UPRT: variants seen among roughly 807,000 people sequenced by gnomAD.
UPRT encodes RP11-311P8.3.
A neutral mutation model predicts 22.6 loss-of-function variants in UPRT; 5 were observed. The ratio of observed to expected loss-of-function variants is 0.22; its 90% confidence interval spans 0.12 to 0.47. UPRT has a LOEUF of 0.47. Among genes scored for constraint, UPRT ranks in the 20% least tolerant of loss-of-function variants. The probability of loss-of-function intolerance (pLI) is 0.99; values close to 1 mark genes in which losing one functional copy is unlikely to be tolerated. For missense variants in UPRT, 181 were observed against 239.9 expected (o/e 0.75, Z 1.62); for synonymous variants, 77 against 87.7 (o/e 0.88, Z 0.68).
intron 4 of UPRT, among the ~76,000 whole-genome samples, chrX:75,252,012 T>C (rs781210807): frequency 6.2e-5 from 7 of 112,311 alleles, no homozygotes; most frequent in Admixed American, 1.9e-4. Flanking sequence ...TATCCAGATG[T>C]AGAAAGCTGA....
chrX:75,262,436 T>C (rs1315550258), intron 4 of UPRT, among the ~76,000 whole-genome samples: 2 of 111,506 alleles, frequency 1.8e-5, no homozygotes, highest in Admixed American at 9.6e-5. Flanking sequence ...CATGATGATA[T>C]TAAACTTAAA....
At chrX:75,232,590 A>C (rs917267187) in intron 4 of UPRT, among the ~76,000 whole-genome samples, 11 of 112,341 alleles carry the variant, frequency 9.8e-5, no homozygotes, top group Admixed American at 5.6e-4. Context: ...TGGAGATCTG[A>C]GAATGGGCAG....
intron 4 of UPRT, among the ~76,000 whole-genome samples, chrX:75,191,444 A>C (rs948356629): frequency 2.3e-4 from 25 of 109,928 alleles, no homozygotes; most frequent in African/African-American, 7.9e-4. Context: ...TTGAGGAGGC[A>C]GTCTGTCTGT....
At chrX:75,291,025 G>A (rs1228905913) in intron 1 of UPRT, among the ~76,000 whole-genome samples, 2 of 111,958 alleles carry the variant, frequency 1.8e-5, no homozygotes, top group Non-Finnish European at 1.9e-5. Flanking sequence ...TTGTTTCAGT[G>A]TGAAGATAAC....
At chrX:75,300,593 C>T (rs1412005848) in intron 5 of UPRT, among the ~76,000 whole-genome samples, 1 of 110,800 alleles carries the variant, frequency 9.0e-6, no homozygotes, top group Non-Finnish European at 1.9e-5. Flanking sequence ...TTATGACCAG[C>T]CTGGGCAACA....
intron 4 of UPRT, among the ~76,000 whole-genome samples, chrX:75,238,108 A>G (rs889480007): frequency 2.7e-5 from 3 of 111,347 alleles, no homozygotes; most frequent in African/African-American, 9.8e-5. Flanking sequence ...AGCATGATGA[A>G]TAGAGCAGTA....
chrX:75,214,902 G>A (rs1054226465), intron 4 of UPRT, among the ~76,000 whole-genome samples: 1 of 109,652 alleles, frequency 9.1e-6, no homozygotes, highest in Non-Finnish European at 1.9e-5. Context: ...GAAAGAGTAA[G>A]GCTTTGTCTC....
At chrX:75,178,254 A>G (rs1277646924) in intron 4 of UPRT, among the ~76,000 whole-genome samples, 3 of 112,064 alleles carry the variant, frequency 2.7e-5, no homozygotes, top group African/African-American at 9.7e-5. Flanking sequence ...GTCGCTTTTA[A>G]CTGGCCGACA....
chrX:75,282,235 ATT>A (rs35475608), intron 1 of UPRT, among the ~76,000 whole-genome samples: 79 of 103,372 alleles, frequency 7.6e-4, no homozygotes, highest in African/African-American at 1.2e-3. Flanking sequence ...TTTATCTTAT[ATT>A]TTTTTTTTTG....
At chrX:75,240,726 A>C (rs1431686081) in intron 4 of UPRT, among the ~76,000 whole-genome samples, 2 of 111,932 alleles carry the variant, frequency 1.8e-5, no homozygotes, top group Non-Finnish European at 3.8e-5. Context: ...TTGTTTAAAA[A>C]TAGGCACATA....
At chrX:75,287,555 C>T (rs189289755) in intron 1 of UPRT, among the ~76,000 whole-genome samples, 8 of 111,247 alleles carry the variant, frequency 7.2e-5, no homozygotes, top group Non-Finnish European at 1.1e-4. Context: ...GCTTTATAGA[C>T]AGTCTCACTT....
At chrX:75,161,976 G>A (rs998385694) in intron 2 of UPRT, among the ~76,000 whole-genome samples, 1 of 111,491 alleles carries the variant, frequency 9.0e-6, no homozygotes, top group East Asian at 2.8e-4. Context: ...GTAGGACTGT[G>A]GGACCCCATG....
chrX:75,276,367 T>A (rs1280391895), intron 1 of UPRT, among the ~76,000 whole-genome samples: 1 of 111,383 alleles, frequency 9.0e-6, no homozygotes, highest in Non-Finnish European at 1.9e-5. Flanking sequence ...ATTACTAGAG[T>A]TTTTTTGTAG....
At chrX:75,245,849 TATC>T (rs1186075126) in intron 4 of UPRT, among the ~76,000 whole-genome samples, 1 of 111,542 alleles carries the variant, frequency 9.0e-6, no homozygotes, top group Non-Finnish European at 1.9e-5. Context: ...GTACTATGCT[TATC>T]ATCTGGGTGA....
chrX:75,220,638 A>G (rs185037213), intron 4 of UPRT, among the ~76,000 whole-genome samples: 169 of 111,625 alleles, frequency 1.5e-3, no homozygotes, highest in African/African-American at 5.3e-3. Context: ...CATTATTTTA[A>G]ACTGATTACA....
In UPRT at chrX:75,254,958, G is replaced by A. The variant is rs375750450; in HGVS notation, c.-446-36066G>A. 3.7e-5 allele frequency among the ~76,000 whole-genome samples: 4 copies of A among 109,445 alleles called. No individual in the cohort carries two copies. In the East Asian group the frequency reaches 8.7e-4, roughly 24 times the overall value. ...ACCCGGCTAATTTTTTGTATTTGTA[G>A]TAGAGACGGGGTTTCACCTTGTTAG... On this transcript the variant is annotated intron_variant, in intron 4 of 13. Transcript: ENST00000652605.
At chrX:75,183,995 T>C (rs1210881818) in intron 4 of UPRT, among the ~76,000 whole-genome samples, 2 of 112,353 alleles carry the variant, frequency 1.8e-5, no homozygotes, top group Non-Finnish European at 3.8e-5. Context: ...CTGATGGTAG[T>C]TTCTTTTGCT....
intron 4 of UPRT, among the ~76,000 whole-genome samples, chrX:75,206,203 T>C (rs778659412): frequency 1.8e-5 from 2 of 110,729 alleles, no homozygotes; most frequent in African/African-American, 6.6e-5. Context: ...GAAGTGACAG[T>C]GTGTGCCTTT....
upstream of UPRT, among the ~76,000 whole-genome samples, chrX:75,270,346 G>C (rs1209977044): frequency 9.0e-6 from 1 of 111,622 alleles, no homozygotes; most frequent in Non-Finnish European, 1.9e-5. Context: ...AGATAGTGTG[G>C]GGATTCCTTA....
Sources: allele counts gnomAD v4.1 joint callset (sites outside exome capture counted in the v4.1 genomes callset), GRCh38; gene constraint gnomAD v4.1.1; transcripts MANE v1.5; gene names NCBI Gene and HGNC (gene_info 2026-07-23, HGNC 2026-07-21).